The following RELN variants were observed in gnomAD, a reference collection of about 807,000 sequenced individuals.
The protein encoded by RELN is reelin.
Under a neutral mutation model 427.6 loss-of-function variants are expected in RELN, and 108 were observed. The ratio of observed to expected loss-of-function variants is 0.25; its 90% CI spans 0.22 to 0.30. The LOEUF is 0.30. RELN is among the 10% of genes least tolerant of loss of function. RELN has a pLI of 1.00. For missense variants in RELN, 3,715 were observed against 4,302.8 expected (o/e 0.86, Z 3.82); for synonymous variants, 1,524 against 1,513.4 (o/e 1.01, Z -0.16).
intron 4 of RELN, among the ~76,000 whole-genome samples, chr7:103,763,536 A>G (rs1791353955): frequency 6.6e-6 from 1 of 152,200 alleles, no homozygotes; most frequent in African/African-American, 2.4e-5. Context: ...TAAAGATGAT[A>G]TAGGAGGAGA....
chr7:103,817,002 C>T (rs1039453657), intron 3 of RELN, among the ~76,000 whole-genome samples: 1 of 152,072 alleles, frequency 6.6e-6, no homozygotes, highest in African/African-American at 2.4e-5. Context: ...TAAGAGTGCA[C>T]CACCATGCCT....
intron 1 of RELN, among the ~76,000 whole-genome samples, chr7:103,960,658 GA>G (rs796494769): frequency 2.6e-5 from 4 of 151,900 alleles, no homozygotes; most frequent in Non-Finnish European, 5.9e-5. Context: ...CAAATGCTAA[GA>G]AAAAAAATTG....
At chr7:103,798,019 G>A (rs1792351688) in intron 3 of RELN, among the ~76,000 whole-genome samples, 1 of 152,096 alleles carries the variant, frequency 6.6e-6, no homozygotes, top group Non-Finnish European at 1.5e-5. Context: ...TGTGATTTGT[G>A]CCTTTGGTCA....
intron 20 of RELN, among the ~76,000 whole-genome samples, chr7:103,624,463 G>C (rs1441708423): frequency 6.6e-6 from 1 of 151,872 alleles, no homozygotes; most frequent in East Asian, 1.9e-4. Flanking sequence ...TTTTACTCTT[G>C]TTGCCCAGGC....
At position 103,551,255 on chromosome 7, in the gene RELN, T is replaced by A. The variant is rs1368890009; in HGVS notation, c.6114A>T (p.Pro2038=). The change falls in exon 41 of 65, where the codon CCA becomes CCT. Residue 2038 remains proline, a synonymous_variant. Coordinates refer to ENST00000428762, the MANE Select transcript of RELN (RefSeq NM_005045.4). ...AGTCCCTTGAAAATTCCAGTCTCAC[T>A]GGATCCGCGGATGAGCTATCAGTCG... is the stretch of plus-strand genomic sequence containing the variant. The part of the protein sequence containing the change: ...GCSTDSSSAD[P]VRLEFSRDFG... 1 of 1,613,890 alleles carries A rather than the reference T, an allele frequency of 6.2e-7. No individual in the cohort carries two copies. The highest frequency in any genetic ancestry group is 1.3e-5 in the African/African-American group (1 of 74,904).
intron 13 of RELN, 55 bp downstream of exon 13, chr7:103,654,038 G>T: frequency 1.0e-6 from 1 of 985,126 alleles, no homozygotes; most frequent in South Asian, 1.3e-5. Flanking sequence ...TTTGACTTGG[G>T]CTTGTCCAGG....
Position 103,496,676 on chromosome 7 carries a change from T to C in RELN, c.9043A>G (p.Asn3015Asp). 1 of 1,614,162 alleles carries C rather than the reference T, an allele frequency of 6.2e-7. No homozygotes were observed. The change falls in exon 56 of 65, where the codon AAC (asparagine) becomes GAC (aspartate). Residue 3015 changes from asparagine (N) to aspartate (D), a missense_variant. Asn to Asp is a conservative substitution (Grantham distance 23). Transcript: ENST00000428762. ...YILLPEDALT[N>D]TTRLRWWQPF... ...TGCCACCAGCGAAGTCGAGTTGTGT[T>C]GGTGAGGGCATCTTCAGGAAGAAGT...
At chr7:103,763,634 T>C (rs554422415) in intron 4 of RELN, among the ~76,000 whole-genome samples, 2 of 151,696 alleles carry the variant, frequency 1.3e-5, no homozygotes, top group South Asian at 2.1e-4. Flanking sequence ...GGGAAAGGAG[T>C]TGGCATATAT....
intron 3 of RELN, among the ~76,000 whole-genome samples, chr7:103,789,526 A>G (rs1025023685): frequency 2.0e-5 from 3 of 152,186 alleles, no homozygotes; most frequent in Non-Finnish European, 2.9e-5. Flanking sequence ...AGTGAAGGAT[A>G]TGAACAGACA....
chr7:103,565,250 T>G, intron 34 of RELN, 28 bp downstream of exon 34: 2 of 1,613,436 alleles, frequency 1.2e-6, no homozygotes, highest in Non-Finnish European at 1.7e-6. Context: ...CCCAAAGTTC[T>G]GACATGTAGC....
chr7:103,515,476 A>G lies in RELN; in HGVS notation c.7863-35T>C, dbSNP rs778127251. On this transcript the variant is annotated intron_variant, in intron 49 of 64. Transcript: ENST00000428762. ...AATGATGGGGAAGGGTGTGGGGAAG[A>G]ACCCTTGTCAAATATCTTCTCTGAG... 6 of 1,606,294 alleles carry G rather than the reference A, an allele frequency of 3.7e-6. No homozygotes were observed. In the East Asian group the frequency reaches 1.1e-4, roughly 30 times the overall value.
intron 63 of RELN, among the ~76,000 whole-genome samples, chr7:103,482,592 C>A: frequency 6.6e-6 from 1 of 152,192 alleles, no homozygotes; most frequent in South Asian, 2.1e-4. Context: ...TCCCATTTAC[C>A]TGGAGACTTT....
At chr7:103,633,869 G>A (rs1207673935) in intron 19 of RELN, among the ~76,000 whole-genome samples, 2 of 151,852 alleles carry the variant, frequency 1.3e-5, no homozygotes, top group Non-Finnish European at 2.9e-5. Flanking sequence ...TGGTTACTAT[G>A]GATAGTCTAT....
intron 12 of RELN, among the ~76,000 whole-genome samples, chr7:103,656,080 G>A (rs1833016601): frequency 6.6e-6 from 1 of 151,948 alleles, no homozygotes; most frequent in African/African-American, 2.4e-5. Context: ...GTTGACTGCA[G>A]TAACCTCATT....
intron 51 of RELN, among the ~76,000 whole-genome samples, chr7:103,503,487 C>T (rs1053063420): frequency 5.3e-5 from 8 of 152,198 alleles, no homozygotes; most frequent in African/African-American, 1.9e-4. Context: ...TTCTGCCATG[C>T]TGGCTGAATG....
chr7:103,716,537 GC>G (rs1475220005), intron 8 of RELN, among the ~76,000 whole-genome samples: 2 of 152,142 alleles, frequency 1.3e-5, no homozygotes, highest in East Asian at 3.9e-4. Context: ...TTCTAACAAT[GC>G]CCATGGATTT....
At chr7:103,840,962 T>C (rs990315410) in intron 2 of RELN, among the ~76,000 whole-genome samples, 1 of 152,162 alleles carries the variant, frequency 6.6e-6, no homozygotes. Context: ...GGTGTACTTA[T>C]AATAATGATT....
At position 103,590,717 on chromosome 7, in the gene RELN, C is replaced by CTG. The variant is rs200015540; in HGVS notation, c.3913-890_3913-889insCA. Among the ~76,000 whole-genome samples the CTG allele has an allele frequency of 3.8e-3, 586 of 152,236 alleles. 5 individuals carry two copies. The highest frequency in any genetic ancestry group is 0.013 in the African/African-American group (554 of 41,542). On this transcript the variant is annotated intron_variant, in intron 27 of 64. Coordinates refer to ENST00000428762, the MANE Select transcript of RELN (RefSeq NM_005045.4). The stretch of plus-strand genomic sequence containing the variant: ...CTGTTTGGTGTACTTGTATGGAGGA[C>CTG]TCATCATAGGATTAACAACATTTAA...
intron 8 of RELN, among the ~76,000 whole-genome samples, chr7:103,706,971 C>T (rs1297471614): frequency 2.6e-5 from 4 of 152,116 alleles, no homozygotes; most frequent in Non-Finnish European, 5.9e-5. Flanking sequence ...CCTGTAGACC[C>T]TCCTCCTGCT....
Sources: allele counts gnomAD v4.1 joint callset (sites outside exome capture counted in the v4.1 genomes callset), GRCh38; gene constraint gnomAD v4.1.1; transcripts MANE v1.5; gene names NCBI Gene and HGNC (gene_info 2026-07-23, HGNC 2026-07-21).